EIF3B: variants seen among roughly 807,000 people sequenced by gnomAD.
EIF3B encodes eukaryotic translation initiation factor 3 subunit 9.
In EIF3B, 10 loss-of-function variants were observed where a neutral mutation model predicts 104.6. The ratio of observed to expected loss-of-function variants is 0.10; its 90% confidence interval spans 0.06 to 0.16. The LOEUF is 0.16. Among genes scored for constraint, EIF3B ranks in the 10% least tolerant of loss-of-function variants. The probability of loss-of-function intolerance (pLI) is 1.00; values close to 1 mark genes in which losing one functional copy is unlikely to be tolerated. For synonymous variants in EIF3B, 542 were observed against 417.2 expected, an observed-to-expected ratio of 1.30 and a Z score of -3.65; for missense variants, 1,014 against 1,087.9, an observed-to-expected ratio of 0.93 and a Z score of 0.96.
chr7:2,373,023 T>C (rs757373965), intron 12 of EIF3B: 1 of 367,602 alleles, frequency 2.7e-6, no homozygotes, highest in Non-Finnish European at 4.8e-6. Flanking sequence ...TTTAAGCGAG[T>C]ATTTCCAAGG....
intron 1 of EIF3B, among the ~76,000 whole-genome samples, chr7:2,358,373 C>T (rs905299651): frequency 2.7e-5 from 4 of 150,174 alleles, no homozygotes; most frequent in African/African-American, 9.8e-5. Context: ...CGTGAGCCAC[C>T]ATGCTGGGTC....
intron 10 of EIF3B, 99 bp downstream of exon 10, chr7:2,369,781 T>C (rs952268421): frequency 9.5e-7 from 1 of 1,054,468 alleles, no homozygotes; most frequent in East Asian, 2.6e-5. Flanking sequence ...TTTTTTTTTT[T>C]TTTTTTTTTT....
rs201578167 is a variant in EIF3B, at chr7:2,375,563, A to G, written c.2028+36A>G. ...GTGGGGCATAGTTTTGACTGTGGAT[A>G]GAAGCAGGGAGTGCTGGCTAGCTGC... On this transcript the variant is annotated intron_variant, in intron 14 of 18. Transcript: ENST00000360876. 2.4e-5 allele frequency: 38 copies of G among 1,612,828 alleles called. No homozygotes were observed. The Admixed American group carries it at 6.3e-4, about 27-fold the overall frequency.
Position 2,372,715 on chromosome 7 carries a change from T to G in EIF3B, c.1730T>G (p.Phe577Cys), listed in dbSNP as rs1441807927. The stretch of plus-strand genomic sequence containing the variant: ...GCCTGGGAACCAAATGGAAGTAAGT[T>G]TGCTGTGCTGCACGGAGAGGCTCCG... ...AFAWEPNGSK[F>C]AVLHGEAPRI... The change falls in exon 12 of 19, where the codon TTT becomes TGT. Residue 577 changes from phenylalanine to cysteine, a missense_variant. Physicochemically the swap from Phe to Cys is radical, Grantham distance 205. Transcript: ENST00000360876. The G allele has an allele frequency of 1.9e-6, 3 of 1,614,168 alleles. No individual in the cohort carries two copies. The highest frequency in any genetic ancestry group is 2.5e-6 in the Non-Finnish European group (3 of 1,180,004).
chr7:2,367,117 A>AC (rs1474794253), intron 9 of EIF3B, 72 bp downstream of exon 9: 23 of 1,337,484 alleles, frequency 1.7e-5, no homozygotes, highest in African/African-American at 1.6e-4. Context: ...AAAAAAAAAA[A>AC]AACACAATAC....
chr7:2,380,152 C>G, intron 18 of EIF3B, 52 bp from the exon 19 acceptor site: 1 of 332,534 alleles, frequency 3.0e-6, no homozygotes, highest in South Asian at 2.2e-5. Flanking sequence ...TCAGGGGGTC[C>G]CTCAGCCTTT....
Position 2,379,492 on chromosome 7 carries a change from G to A in EIF3B, c.2440G>A (p.Glu814Lys), listed in dbSNP as rs372896684. ...AGAAATCATTCCCCTCGGGAATCAG[G>A]AGTGACCTGGAGCACTGTGGTGAGC... ...TEEIIPLGNQ[E>K] Residue 814 changes from glutamate to lysine, a missense_variant, in exon 18 of 19, where the codon GAG becomes AAG. Physicochemically the swap from Glu to Lys is moderately conservative, Grantham distance 56 (BLOSUM62 1). Coordinates refer to ENST00000360876, the MANE Select transcript of EIF3B (RefSeq NM_001037283.2). The A allele has an allele frequency of 1.6e-5, 25 of 1,567,330 alleles. No homozygotes were observed. In the East Asian group the frequency reaches 1.6e-4, roughly 10 times the overall value.
chr7:2,365,670 TG>T (rs781746156), intron 6 of EIF3B, among the ~76,000 whole-genome samples: 907 of 46,814 alleles, frequency 0.019, 14 homozygotes, highest in African/African-American at 0.077. Flanking sequence ...TTTGTTTGTT[TG>T]TTTGTTTTGT....
At chr7:2,360,645 G>A in intron 1 of EIF3B, 65 bp from the exon 2 acceptor site, 2 of 1,309,208 alleles carry the variant, frequency 1.5e-6, no homozygotes, top group Non-Finnish European at 1.1e-6. Context: ...TGTTTAGTGT[G>A]CTCAGTTAAT....
In EIF3B at chr7:2,357,252, C is replaced by T. The variant is rs148413758; in HGVS notation, c.499+1832C>T. ...CGACAGGGTTGGCCAGGCTGGGTGACGGCTGTGGGTCCTCAGCGGGCCCAC... is the reference window on the plus strand; with the variant it reads ...CGACAGGGTTGGCCAGGCTGGGTGATGGCTGTGGGTCCTCAGCGGGCCCAC... On this transcript the variant is annotated intron_variant, in intron 1 of 18. Coordinates refer to ENST00000360876, the MANE Select transcript of EIF3B (RefSeq NM_001037283.2). Among the ~76,000 whole-genome samples the T allele has an allele frequency of 7.4e-4, 112 of 152,250 alleles. 1 individual carries two copies. The South Asian group carries it at 0.015, about 20-fold the overall frequency.
rs956878291 is a variant in EIF3B, at chr7:2,379,365, T to C, written c.2342-29T>C. ...CGGTGCCACTAGGCATGTGCCCCCA[T>C]GGGTGATCTGCGCCCTTTGTCCCCT... is the stretch of plus-strand genomic sequence containing the variant. On this transcript the variant is annotated intron_variant, in intron 17 of 18. Coordinates refer to ENST00000360876, the MANE Select transcript of EIF3B (RefSeq NM_001037283.2). The C allele has an allele frequency of 1.4e-5, 22 of 1,564,262 alleles. No individual in the cohort carries two copies. In the African/African-American group the frequency reaches 2.7e-4, roughly 19 times the overall value.
chr7:2,355,264 G>A lies in EIF3B; in HGVS notation c.343G>A (p.Glu115Lys), dbSNP rs992921216. ...GEAPGEQARDERSDSRAQAVS... is the reference protein window; with the variant it reads ...GEAPGEQARDKRSDSRAQAVS... ...GGCCCCAGGAGAGCAGGCTCGGGAC[G>A]AGCGCTCCGACAGCCGGGCCCAGGC... Residue 115 changes from glutamate to lysine, a missense_variant, in exon 1 of 19, where the codon GAG (glutamate) becomes AAG (lysine). Around this residue, in one of 4 missense-constraint regions of EIF3B, gnomAD observed 488 missense variants for 404.3 expected, o/e 1.21. Transcript: ENST00000360876. 5 of 1,531,098 alleles carry A rather than the reference G, an allele frequency of 3.3e-6. No homozygotes were observed. Among genetic ancestry groups the A allele is most frequent in the African/African-American group, 1.4e-5 (1 of 72,206 alleles). 94.8% of individuals were successfully genotyped at this position (1,531,098 alleles called of 1,614,324 possible).
chr7:2,364,325 T>C, intron 5 of EIF3B, 47 bp from the exon 6 acceptor site: 1 of 1,513,822 alleles, frequency 6.6e-7, no homozygotes. Flanking sequence ...GGGGTCTTTG[T>C]GTTTGCCATT....
At position 2,379,502 on chromosome 7, in the gene EIF3B, G is replaced by A. The variant is rs1044137075; in HGVS notation, c.*5G>A. ...CCCCTCGGGAATCAGGAGTGACCTG[G>A]AGCACTGTGGTGAGCGTCTGCAGGG... On this transcript the variant is annotated 3_prime_UTR_variant, in exon 18 of 19. Coordinates refer to ENST00000360876, the MANE Select transcript of EIF3B (RefSeq NM_001037283.2). 1 of 1,563,274 alleles carries A rather than the reference G, an allele frequency of 6.4e-7. No homozygotes were observed. Among genetic ancestry groups the A allele is most frequent in the Admixed American group, 1.9e-5 (1 of 52,254 alleles).
chr7:2,355,460 G>A (rs189731893), intron 1 of EIF3B, 40 bp downstream of exon 1: 5 of 1,410,892 alleles, frequency 3.5e-6, no homozygotes, highest in Non-Finnish European at 4.6e-6. Flanking sequence ...CGGCGCGGGA[G>A]CGTGGCTGGG....
intron 9 of EIF3B, among the ~76,000 whole-genome samples, chr7:2,368,636 TGAG>T (rs1162278062): frequency 5.9e-5 from 9 of 152,200 alleles, no homozygotes; most frequent in Admixed American, 2.0e-4. Context: ...ATCTAGAAAC[TGAG>T]GAGGGTGGGG....
chr7:2,354,385 CG>C (rs1273096392), upstream of EIF3B: 1 of 152,206 alleles, frequency 6.6e-6, no homozygotes, highest in Non-Finnish European at 1.5e-5. Flanking sequence ...GTAAACTAAA[CG>C]GTTTCCCTAG....
intron 13 of EIF3B, 107 bp downstream of exon 13, chr7:2,374,713 G>A (rs1226702589): frequency 1.1e-5 from 12 of 1,058,816 alleles, no homozygotes; most frequent in South Asian, 1.5e-5. Context: ...AGTATTGTGC[G>A]CTGAAAGGGT....
chr7:2,366,208 G>A, intron 6 of EIF3B, 109 bp from the exon 7 acceptor site: 1 of 1,228,840 alleles, frequency 8.1e-7, no homozygotes, highest in Non-Finnish European at 1.1e-6. Flanking sequence ...TGTGGGGTTT[G>A]GGGAGAGAGC....
Sources: gnomAD v4.1 joint callset for allele counts (sites outside exome capture counted in the v4.1 genomes callset) on GRCh38, gnomAD v4.1.1 for gene constraint, gnomAD v4.1.1 regional missense constraint, MANE v1.5 for transcripts, NCBI Gene and HGNC (gene_info 2026-07-23, HGNC 2026-07-21) for gene names.